Variants in DLC1 observed in about 807,000 individuals in gnomAD.
DLC1 encodes the protein rho GTPase-activating protein 7.
Under a neutral mutation model 140.3 loss-of-function variants are expected in DLC1, and 54 were observed. The ratio of observed to expected loss-of-function variants is 0.38; its 90% CI spans 0.31 to 0.48. The LOEUF (loss-of-function observed/expected upper bound fraction) is 0.48. DLC1 is among the 20% of genes least tolerant of loss of function. DLC1 has a pLI of 0.96. For missense variants in DLC1, 2,536 were observed against 1,907.0 expected (o/e 1.33, Z -6.14); for synonymous variants, 986 against 728.1 (o/e 1.35, Z -5.70).
At chr8:13,258,287 C>T (rs139694780) in intron 5 of DLC1, among the ~76,000 whole-genome samples, 54 of 152,274 alleles carry the variant, frequency 3.5e-4, no homozygotes, top group East Asian at 2.3e-3. Context: ...GAAACTGCGG[C>T]TTTACTCTGA....
At chr8:13,192,485 C>T (rs1420738982) in intron 5 of DLC1, among the ~76,000 whole-genome samples, 1 of 152,182 alleles carries the variant, frequency 6.6e-6, no homozygotes, top group Non-Finnish European at 1.5e-5. Context: ...CACATGCGTA[C>T]ATAGAAATGT....
chr8:13,541,505 G>A (rs746399750), intron 1 of DLC1, among the ~76,000 whole-genome samples: 2 of 152,088 alleles, frequency 1.3e-5, no homozygotes, highest in Non-Finnish European at 2.9e-5. Context: ...TTATCTAATT[G>A]TGGTTTTAAT....
intron 6 of DLC1, among the ~76,000 whole-genome samples, chr8:13,112,494 T>A (rs1388805657): frequency 6.6e-6 from 1 of 152,120 alleles, no homozygotes; most frequent in African/African-American, 2.4e-5. Context: ...GTGGCTATAG[T>A]CCAGAGATTT....
chr8:13,401,258 G>A (rs1023552634), intron 3 of DLC1, among the ~76,000 whole-genome samples: 1 of 152,086 alleles, frequency 6.6e-6, no homozygotes, highest in African/African-American at 2.4e-5. Flanking sequence ...AAGTTCTTTT[G>A]TATCACCCAT....
chr8:13,119,450 C>A (rs934442867), intron 5 of DLC1, among the ~76,000 whole-genome samples: 1 of 152,174 alleles, frequency 6.6e-6, no homozygotes, highest in Admixed American at 6.5e-5. Context: ...AATGCCACCT[C>A]CTCCATGCAG....
At chr8:13,256,506 T>G (rs903513308) in intron 5 of DLC1, among the ~76,000 whole-genome samples, 3 of 151,932 alleles carry the variant, frequency 2.0e-5, no homozygotes, top group African/African-American at 4.8e-5. Context: ...ATAAAGAAAA[T>G]GTGGCACATA....
intron 1 of DLC1, among the ~76,000 whole-genome samples, chr8:13,509,818 G>A (rs1802273380): frequency 6.6e-6 from 1 of 151,984 alleles, no homozygotes; most frequent in African/African-American, 2.4e-5. Flanking sequence ...TTTTCCCCCT[G>A]GTGATTAGGG....
chr8:13,133,198 G>C, intron 5 of DLC1: 1 of 1,425,386 alleles, frequency 7.0e-7, no homozygotes, highest in Non-Finnish European at 9.1e-7. Context: ...AGTTGGGCGA[G>C]AAGTCCGTGA....
At chr8:13,324,232 T>C (rs1227681740) in intron 4 of DLC1, among the ~76,000 whole-genome samples, 1 of 152,192 alleles carries the variant, frequency 6.6e-6, no homozygotes, top group Non-Finnish European at 1.5e-5. Flanking sequence ...TTTTAGTAGT[T>C]TATATTATTG....
intron 2 of DLC1, among the ~76,000 whole-genome samples, chr8:13,447,903 T>A (rs1361159705): frequency 2.6e-5 from 4 of 152,214 alleles, no homozygotes; most frequent in Non-Finnish European, 5.9e-5. Flanking sequence ...TTAACATTTT[T>A]AGGAAACAAA....
intron 1 of DLC1, among the ~76,000 whole-genome samples, chr8:13,535,670 A>T (rs73665140): frequency 0.24 from 455 of 1,934 alleles, 54 homozygotes; most frequent in Middle Eastern, 0.5. Context: ...ATTGCTCATT[A>T]AAAAAAAAAA....
At chr8:13,219,530 A>G (rs982503037) in intron 5 of DLC1, among the ~76,000 whole-genome samples, 2 of 150,566 alleles carry the variant, frequency 1.3e-5, no homozygotes, top group Non-Finnish European at 3.0e-5. Flanking sequence ...TCTTAAATAT[A>G]TATACATTTA....
At chr8:13,183,676 G>A (rs570482645) in intron 5 of DLC1, among the ~76,000 whole-genome samples, 4 of 152,220 alleles carry the variant, frequency 2.6e-5, no homozygotes, top group South Asian at 2.1e-4. Context: ...TGAATTGATC[G>A]TGGTGGATAA....
intron 5 of DLC1, among the ~76,000 whole-genome samples, chr8:13,223,694 TA>T (rs975963787): frequency 6.6e-6 from 1 of 152,218 alleles, no homozygotes; most frequent in Admixed American, 6.5e-5. Context: ...CAATTTCCAA[TA>T]AACAACAAGC....
chr8:13,587,273 G>C (rs1805355088), intron 1 of DLC1, among the ~76,000 whole-genome samples: 1 of 149,748 alleles, frequency 6.7e-6, no homozygotes, highest in Admixed American at 6.8e-5. Context: ...TGTGCTTTTA[G>C]TGTAACCATA....
At position 13,423,621 on chromosome 8, in the gene DLC1, C is replaced by T. The variant is rs192452924; in HGVS notation, c.1024-22002G>A. Among the ~76,000 whole-genome samples, 17 of 152,264 alleles carry T rather than the reference C, an allele frequency of 1.1e-4. 1 individual carries two copies. In the East Asian group the frequency reaches 2.9e-3, roughly 26 times the overall value. ...AATTGCTAGGCATTTCCTAAACATTCTGTGACCATTTAAACAGAAATCGGA... is the reference window on the plus strand; with the variant it reads ...AATTGCTAGGCATTTCCTAAACATTTTGTGACCATTTAAACAGAAATCGGA... On this transcript the variant is annotated intron_variant, in intron 2 of 17. Transcript: ENST00000276297.
intron 1 of DLC1, among the ~76,000 whole-genome samples, chr8:13,599,439 G>T (rs766975297): frequency 1.3e-5 from 2 of 151,958 alleles, no homozygotes; most frequent in Non-Finnish European, 2.9e-5. Context: ...TTAGGATGAA[G>T]TGGTTCTTTC....
chr8:13,297,876 G>T (rs28684969), intron 5 of DLC1, among the ~76,000 whole-genome samples: 4,563 of 147,436 alleles, frequency 0.031, 196 homozygotes, highest in African/African-American at 0.1. Context: ...GTTTTTTTTT[G>T]TTGTTGTTGT....
At chr8:13,595,196 C>T (rs1029818197) in intron 1 of DLC1, among the ~76,000 whole-genome samples, 3 of 151,986 alleles carry the variant, frequency 2.0e-5, no homozygotes, top group African/African-American at 4.8e-5. Flanking sequence ...CACTCCTATT[C>T]CCAAATGAAA....
Sources: allele counts gnomAD v4.1 joint callset (sites outside exome capture counted in the v4.1 genomes callset), GRCh38; gene constraint gnomAD v4.1.1; transcripts MANE v1.5; gene names NCBI Gene and HGNC (gene_info 2026-07-23, HGNC 2026-07-21).